SLX4IP: variants seen among roughly 807,000 people sequenced by gnomAD.
The protein encoded by SLX4IP is SLX4 interacting protein.
A neutral mutation model predicts 32.9 loss-of-function variants in SLX4IP; 34 were observed. The observed-to-expected ratio is 1.03, with a 90% CI of 0.79 to 1.38. The LOEUF (loss-of-function observed/expected upper bound fraction) is 1.38. Ranked by LOEUF, SLX4IP falls within the 40% of genes most tolerant of loss-of-function variation. SLX4IP has a pLI of 0.00. For synonymous variants in SLX4IP, 172 were observed against 171.7 expected, an observed-to-expected ratio of 1.00 and a Z score of -0.01; for missense variants, 444 against 479.0, an observed-to-expected ratio of 0.93 and a Z score of 0.68.
At chr20:10,482,826 T>A (rs1275126425) in intron 2 of SLX4IP, among the ~76,000 whole-genome samples, 2 of 152,190 alleles carry the variant, frequency 1.3e-5, no homozygotes, top group African/African-American at 4.8e-5. Flanking sequence ...CTAAAACTCA[T>A]CAGACTGGAA....
intron 1 of SLX4IP, among the ~76,000 whole-genome samples, chr20:10,436,511 C>T (rs1238168880): frequency 6.6e-6 from 1 of 152,122 alleles, no homozygotes; most frequent in Non-Finnish European, 1.5e-5. Flanking sequence ...CGCGCGCCAC[C>T]ACCCCCGGCT....
intron 2 of SLX4IP, among the ~76,000 whole-genome samples, chr20:10,487,992 G>A (rs2065589277): frequency 6.6e-6 from 1 of 152,130 alleles, no homozygotes; most frequent in African/African-American, 2.4e-5. Context: ...TTCTGACTTT[G>A]TAAGTAGGAC....
At position 10,600,052 on chromosome 20, in the gene SLX4IP, A is replaced by T. The variant is rs4141599; in HGVS notation, c.316+1300A>T. Among the ~76,000 whole-genome samples, 911 of 151,474 alleles carry T rather than the reference A, an allele frequency of 6.0e-3. 6 individuals are homozygous for T. Among genetic ancestry groups the T allele is most frequent in the Middle Eastern group, 0.014 (4 of 294 alleles). On this transcript the variant is annotated intron_variant, in intron 5 of 7. Transcript: ENST00000334534. Reference sequence around the variant, plus strand: ...TGTATTTCAATTTTATGATTTTTTTAGGGGGGGGAGGTGGAAAAATAATGA... The same window carrying T: ...TGTATTTCAATTTTATGATTTTTTTTGGGGGGGGAGGTGGAAAAATAATGA...
chr20:10,613,405 C>T (rs2066990549), intron 6 of SLX4IP: 8 of 1,545,680 alleles, frequency 5.2e-6, no homozygotes, highest in African/African-American at 1.4e-5. Context: ...CATCAATTTA[C>T]ACCTAAGGAC....
intron 4 of SLX4IP, 50 bp from the exon 5 acceptor site, chr20:10,598,625 A>T (rs1568762953): frequency 6.5e-7 from 1 of 1,546,592 alleles, no homozygotes; most frequent in Non-Finnish European, 8.9e-7. Flanking sequence ...AACTCCAGAG[A>T]TTTAGCGGCA....
At chr20:10,592,914 G>A (rs927791511) in intron 4 of SLX4IP, among the ~76,000 whole-genome samples, 5 of 152,132 alleles carry the variant, frequency 3.3e-5, no homozygotes, top group Admixed American at 3.3e-4. Context: ...TTACAGGCGT[G>A]AGCCACTGTG....
intron 6 of SLX4IP, among the ~76,000 whole-genome samples, chr20:10,620,256 A>G (rs549545901): frequency 6.6e-6 from 1 of 152,334 alleles, no homozygotes; most frequent in South Asian, 2.1e-4. Context: ...AGGAGTTAAC[A>G]CCTTGTATGG....
chr20:10,625,204 A>G lies in SLX4IP; in HGVS notation c.*1825A>G, dbSNP rs547531260. 88 of 152,362 alleles carry G rather than the reference A, an allele frequency of 5.8e-4. No individual in the cohort carries two copies. The highest frequency in any genetic ancestry group is 2.0e-3 in the African/African-American group (83 of 41,576). The allele number at this position is 152,362 out of a possible 1,614,324, so 9.4% of individuals were successfully genotyped here. A position where few individuals can be genotyped will look rare whatever the true frequency, so the allele number is the denominator to read the frequency against. On this transcript the variant is annotated 3_prime_UTR_variant, in exon 8 of 8. Transcript: ENST00000334534. The stretch of plus-strand genomic sequence containing the variant: ...TGTAGGCGCCTCTCTTAGAGCAAAC[A>G]GTATTTTAGGTGTGCTCTTTATTGA...
At chr20:10,478,752 T>C (rs775963093) in intron 2 of SLX4IP, among the ~76,000 whole-genome samples, 1 of 152,188 alleles carries the variant, frequency 6.6e-6, no homozygotes, top group Non-Finnish European at 1.5e-5. Context: ...GATGCGTTGA[T>C]GACTGTGCTG....
chr20:10,505,809 CT>C (rs942964756), intron 2 of SLX4IP, among the ~76,000 whole-genome samples: 24 of 148,826 alleles, frequency 1.6e-4, no homozygotes, highest in Admixed American at 3.4e-4. Flanking sequence ...TACATTAATT[CT>C]TTTTTTTTTC....
chr20:10,594,419 C>T (rs887870570), intron 4 of SLX4IP, among the ~76,000 whole-genome samples: 2 of 152,190 alleles, frequency 1.3e-5, no homozygotes, highest in Non-Finnish European at 2.9e-5. Flanking sequence ...GGCATTTTCC[C>T]AGGCTCGTCC....
At chr20:10,500,571 C>A (rs1378654490) in intron 2 of SLX4IP, among the ~76,000 whole-genome samples, 2 of 151,930 alleles carry the variant, frequency 1.3e-5, no homozygotes, top group Admixed American at 6.6e-5. Context: ...GGCAACATAG[C>A]AAAATCCTGT....
chr20:10,582,961 A>G (rs2066601929), intron 4 of SLX4IP, among the ~76,000 whole-genome samples: 1 of 152,160 alleles, frequency 6.6e-6, no homozygotes, highest in Non-Finnish European at 1.5e-5. Flanking sequence ...AAGGCCCTGA[A>G]TATTTTCATG....
At chr20:10,526,527 G>A (rs921737258) in intron 2 of SLX4IP, among the ~76,000 whole-genome samples, 1 of 152,166 alleles carries the variant, frequency 6.6e-6, no homozygotes, top group Non-Finnish European at 1.5e-5. Flanking sequence ...CCATCAAATT[G>A]TTTTTGAACT....
intron 2 of SLX4IP, among the ~76,000 whole-genome samples, chr20:10,548,324 C>T (rs947389947): frequency 5.9e-5 from 9 of 152,138 alleles, no homozygotes; most frequent in Middle Eastern, 3.4e-3. Context: ...CTGCAAGCTC[C>T]GCCTCCCGGG....
intron 4 of SLX4IP, among the ~76,000 whole-genome samples, chr20:10,563,512 T>C (rs537047791): frequency 6.6e-6 from 1 of 152,366 alleles, no homozygotes; most frequent in African/African-American, 2.4e-5. Flanking sequence ...CCTCTGGGTT[T>C]TCTTCTAGTA....
At chr20:10,508,414 C>T (rs1379512861) in intron 2 of SLX4IP, among the ~76,000 whole-genome samples, 2 of 152,176 alleles carry the variant, frequency 1.3e-5, no homozygotes, top group African/African-American at 2.4e-5. Flanking sequence ...CAGGGGTGAC[C>T]CTTCCAGATA....
rs144609115 is a variant in SLX4IP at position 10,598,682 on chromosome 20, C to A, written c.246C>A (p.Gly82=). The A allele has an allele frequency of 1.9e-6, 3 of 1,614,118 alleles. No individual in the cohort carries two copies. Among genetic ancestry groups the A allele is most frequent in the Non-Finnish European group, 2.5e-6 (3 of 1,179,952 alleles). Residue 82 remains glycine (G), a synonymous_variant, in exon 5 of 8, where the codon GGC becomes GGA. Transcript: ENST00000334534. ...RSNPLSLKGY[G]FQITAYFLKR... is the part of the protein sequence containing the mutation. Reference sequence around the variant, plus strand: ...TTCCCTTTCACTTTCCAGGTTATGGCTTTCAAATCACAGCCTATTTCCTCA... The same window carrying A: ...TTCCCTTTCACTTTCCAGGTTATGGATTTCAAATCACAGCCTATTTCCTCA...
At position 10,622,757 on chromosome 20, in the gene SLX4IP, C is replaced by T. The variant is rs1191524235; in HGVS notation, c.605C>T (p.Ala202Val). 6.2e-7 allele frequency: 1 copy of T among 1,613,942 alleles called. No individual in the cohort carries two copies. Among genetic ancestry groups the T allele is most frequent in the Admixed American group, 1.7e-5 (1 of 59,986 alleles). Reference sequence around the variant, plus strand: ...AGTGACTCAGTGATTGCAGAGATAGCAAGGAGGAGGAATGATGGTCAGGCT... The same window carrying T: ...AGTGACTCAGTGATTGCAGAGATAGTAAGGAGGAGGAATGATGGTCAGGCT... ...TSSDSVIAEI[A>V]RRRNDGQASS... Residue 202 changes from alanine to valine, a missense_variant, in exon 8 of 8, where the codon GCA becomes GTA. Ala to Val is a moderately conservative substitution (Grantham distance 64). Transcript: ENST00000334534.
Sources: allele counts gnomAD v4.1 joint callset (sites outside exome capture counted in the v4.1 genomes callset), GRCh38; gene constraint gnomAD v4.1.1; transcripts MANE v1.5; gene names NCBI Gene and HGNC (gene_info 2026-07-23, HGNC 2026-07-21).